Variants in GRIN2A observed in about 807,000 individuals in gnomAD.
GRIN2A encodes the protein glutamate receptor ionotropic, NMDA 2A.
In GRIN2A, 22 loss-of-function variants were observed where a neutral mutation model predicts 113.4. That is an observed-to-expected ratio of 0.19 (90% CI 0.14 to 0.28). The LOEUF (loss-of-function observed/expected upper bound fraction) is 0.28. Ranked by LOEUF, GRIN2A falls within the 10% of genes least tolerant of loss-of-function variation. The probability of loss-of-function intolerance (pLI) is 1.00; values close to 1 mark genes in which losing one functional copy is unlikely to be tolerated. For missense variants in GRIN2A, 1,502 were observed against 1,887.0 expected (o/e 0.80, Z 3.78); for synonymous variants, 827 against 738.4 (o/e 1.12, Z -1.94).
chr16:9,859,230 C>A (rs2043020535), intron 4 of GRIN2A, among the ~76,000 whole-genome samples: 1 of 151,552 alleles, frequency 6.6e-6, no homozygotes, highest in Admixed American at 6.6e-5. Flanking sequence ...CACACTTATA[C>A]CTACACATAT....
At chr16:10,036,437 CTTTTTTTTT>C (rs1360199200) in intron 2 of GRIN2A, among the ~76,000 whole-genome samples, 1 of 92,672 alleles carries the variant, frequency 1.1e-5, no homozygotes, top group Non-Finnish European at 2.3e-5. Flanking sequence ...TTAGTACTTA[CTTTTTTTTT>C]TTCTTTTTTT....
intron 4 of GRIN2A, among the ~76,000 whole-genome samples, chr16:9,851,603 C>T (rs2042883583): frequency 6.6e-6 from 1 of 152,164 alleles, no homozygotes. Flanking sequence ...ATACCAATCC[C>T]TTTTCTTTCC....
At chr16:10,157,085 G>A (rs2049713514) in intron 2 of GRIN2A, among the ~76,000 whole-genome samples, 1 of 152,140 alleles carries the variant, frequency 6.6e-6, no homozygotes, top group Non-Finnish European at 1.5e-5. Context: ...AGAGTAACAT[G>A]TCCAATGCGC....
chr16:9,934,048 G>A (rs563127942), intron 3 of GRIN2A, among the ~76,000 whole-genome samples: 2 of 152,228 alleles, frequency 1.3e-5, no homozygotes, highest in East Asian at 3.9e-4. Context: ...GAGAAAACTG[G>A]GACAGGGAAA....
At chr16:9,921,162 A>G (rs537561437) in intron 3 of GRIN2A, among the ~76,000 whole-genome samples, 1 of 152,362 alleles carries the variant, frequency 6.6e-6, no homozygotes, top group Non-Finnish European at 1.5e-5. Context: ...AATGCCAAAC[A>G]TAGATCCCTG....
In GRIN2A at chr16:9,938,136, A is replaced by G; in HGVS notation, c.830T>C (p.Ile277Thr). Residue 277 changes from isoleucine to threonine, a missense_variant, in exon 3 of 13, where the codon ATT (isoleucine) becomes ACT (threonine). By Grantham distance (89) the Ile-to-Thr change is moderately conservative (BLOSUM62 -1). Coordinates refer to ENST00000330684, the MANE Select transcript of GRIN2A (RefSeq NM_001134407.3). ...LIPKEFPSGL[I>T]SVSYDDWDYS... ...GTCCCAGTCATCGTAGGAGACAGAA[A>G]TGAGTCCCGATGGAAACTCTTTTGG... The G allele has an allele frequency of 6.2e-7, 1 of 1,614,118 alleles. No homozygotes were observed. The highest frequency in any genetic ancestry group is 8.5e-7 in the Non-Finnish European group (1 of 1,180,008).
rs117241830 is a variant in GRIN2A, at chr16:9,984,688, G to A, written c.415-46137C>T. Reference sequence around the variant, plus strand: ...CTTCCCAAACTCTCAGAGGCATCACGAGTAACTTGGTCTTGTCTTTACTTT... The same window carrying A: ...CTTCCCAAACTCTCAGAGGCATCACAAGTAACTTGGTCTTGTCTTTACTTT... On this transcript the variant is annotated intron_variant, in intron 2 of 12. Coordinates refer to ENST00000330684, the MANE Select transcript of GRIN2A (RefSeq NM_001134407.3). Among the ~76,000 whole-genome samples the A allele has an allele frequency of 2.0e-3, 297 of 152,268 alleles. 1 individual carries two copies. Among genetic ancestry groups the A allele is most frequent in the Admixed American group, 3.2e-3 (49 of 15,298 alleles).
chr16:10,129,566 G>T (rs997004019), intron 2 of GRIN2A, among the ~76,000 whole-genome samples: 1 of 152,134 alleles, frequency 6.6e-6, no homozygotes, highest in Non-Finnish European at 1.5e-5. Context: ...GAAAGGTCCA[G>T]GGGAAGAAAT....
At chr16:9,949,972 G>A (rs1417436366) in intron 2 of GRIN2A, among the ~76,000 whole-genome samples, 1 of 152,162 alleles carries the variant, frequency 6.6e-6, no homozygotes, top group Non-Finnish European at 1.5e-5. Context: ...AGTGTCTGCA[G>A]TGTGAGAATC....
At chr16:9,979,102 A>C (rs908257814) in intron 2 of GRIN2A, among the ~76,000 whole-genome samples, 3 of 152,202 alleles carry the variant, frequency 2.0e-5, no homozygotes, top group Non-Finnish European at 2.9e-5. Context: ...GTTGTGAGAA[A>C]GTAAGCCAAG....
At chr16:9,926,317 A>G (rs2044461933) in intron 3 of GRIN2A, among the ~76,000 whole-genome samples, 1 of 152,190 alleles carries the variant, frequency 6.6e-6, no homozygotes, top group African/African-American at 2.4e-5. Context: ...AGTTCATTTT[A>G]CTTTGTTTTG....
intron 2 of GRIN2A, among the ~76,000 whole-genome samples, chr16:10,046,185 G>T (rs115213041): frequency 2.6e-5 from 4 of 152,042 alleles, no homozygotes; most frequent in Non-Finnish European, 4.4e-5. Flanking sequence ...GTCATATTGA[G>T]GCCTTTTGAG....
chr16:10,166,672 T>C (rs770506270), intron 2 of GRIN2A, among the ~76,000 whole-genome samples: 1 of 152,222 alleles, frequency 6.6e-6, no homozygotes, highest in Non-Finnish European at 1.5e-5. Context: ...CAAAGCATTT[T>C]GGTCCAAGGA....
At chr16:10,130,474 T>C (rs1245028604) in intron 2 of GRIN2A, among the ~76,000 whole-genome samples, 1 of 152,230 alleles carries the variant, frequency 6.6e-6, no homozygotes, top group African/African-American at 2.4e-5. Context: ...AGTAGGCAGA[T>C]GGGTCAGGCT....
At chr16:10,105,260 C>A (rs2048475478) in intron 2 of GRIN2A, among the ~76,000 whole-genome samples, 1 of 152,126 alleles carries the variant, frequency 6.6e-6, no homozygotes, top group South Asian at 2.1e-4. Flanking sequence ...AGCCCACCCC[C>A]AAAGAGGAAA....
rs372687112 is a variant in GRIN2A, at chr16:9,890,976, G to A, written c.1122+10C>T. 7 of 1,538,318 alleles carry A rather than the reference G, an allele frequency of 4.6e-6. No individual in the cohort carries two copies. The highest frequency in any genetic ancestry group is 1.7e-4 in the Middle Eastern group (1 of 5,938). On this transcript the variant is annotated intron_variant, in intron 4 of 12. Coordinates refer to ENST00000330684, the MANE Select transcript of GRIN2A (RefSeq NM_001134407.3). The stretch of plus-strand genomic sequence containing the variant: ...CCTCCCCTGCATTCAGCACACAGAA[G>A]GATGCTCACCTTTTCCCATTCCCGG...
At chr16:9,796,658 C>T (rs571334202) in intron 11 of GRIN2A, among the ~76,000 whole-genome samples, 83 of 152,294 alleles carry the variant, frequency 5.4e-4, no homozygotes, top group African/African-American at 1.9e-3. Flanking sequence ...AAAAGAGCTT[C>T]CCCAGGTAGC....
intron 2 of GRIN2A, among the ~76,000 whole-genome samples, chr16:10,100,344 T>C (rs1300185759): frequency 1.3e-5 from 2 of 152,222 alleles, no homozygotes; most frequent in African/African-American, 2.4e-5. Flanking sequence ...GCAAAGATGC[T>C]TGTGCAAAGG....
intron 6 of GRIN2A, 23 bp downstream of exon 6, chr16:9,840,913 T>TA: frequency 6.2e-7 from 1 of 1,612,082 alleles, no homozygotes. Context: ...AGTAAGAGCC[T>TA]AGGGGATGAA....
Sources: gnomAD v4.1 joint callset for allele counts (sites outside exome capture counted in the v4.1 genomes callset) on GRCh38, gnomAD v4.1.1 for gene constraint, MANE v1.5 for transcripts, NCBI Gene and HGNC (gene_info 2026-07-23, HGNC 2026-07-21) for gene names.